CCL7: variants seen among roughly 807,000 people sequenced by gnomAD.
CCL7 encodes C-C motif chemokine ligand 7.
Under a neutral mutation model 7.1 loss-of-function variants are expected in CCL7, and 8 were observed. That is an observed-to-expected ratio of 1.13 (90% confidence interval 0.66 to 2.04). The LOEUF (loss-of-function observed/expected upper bound fraction) is 2.04. CCL7 is among the 30% of genes most tolerant of loss of function. CCL7 has a pLI of 0.00. For synonymous variants in CCL7, 46 were observed against 41.2 expected (o/e 1.12, Z -0.45); for missense variants, 134 against 113.6 (o/e 1.18, Z -0.82).
Position 34,271,855 on chromosome 17 carries a change from T to A in CCL7, c.*53T>A. On this transcript the variant is annotated 3_prime_UTR_variant, in exon 3 of 3. Transcript: ENST00000378569. ...CATGACTTGAGAAACAAATAATTTGTATACCCTGTCCTTTCTCAGAGTGGT... is the reference window on the plus strand; with the variant it reads ...CATGACTTGAGAAACAAATAATTTGAATACCCTGTCCTTTCTCAGAGTGGT... 1 of 1,092,012 alleles carries A rather than the reference T, an allele frequency of 9.2e-7. No homozygotes were observed. The highest frequency in any genetic ancestry group is 2.0e-4 in the Middle Eastern group (1 of 5,096). The allele number at this position is 1,092,012 out of a possible 1,614,324, so 67.6% of individuals were successfully genotyped here. A position where few individuals can be genotyped will look rare whatever the true frequency, so the allele number is the denominator to read the frequency against.
chr17:34,271,856 A>G lies in CCL7; in HGVS notation c.*54A>G. 1 of 1,082,642 alleles carries G rather than the reference A, an allele frequency of 9.2e-7. No homozygotes were observed. The highest frequency in any genetic ancestry group is 1.6e-5 in the African/African-American group (1 of 64,330). 67.1% of individuals were successfully genotyped at this position (1,082,642 alleles called of 1,614,324 possible). A position where few individuals can be genotyped will look rare whatever the true frequency, so the allele number is the denominator to read the frequency against. On this transcript the variant is annotated 3_prime_UTR_variant, in exon 3 of 3. Coordinates refer to ENST00000378569, the MANE Select transcript of CCL7 (RefSeq NM_006273.4). ...ATGACTTGAGAAACAAATAATTTGT[A>G]TACCCTGTCCTTTCTCAGAGTGGTT...
intron 2 of CCL7, 121 bp downstream of exon 2, chr17:34,271,384 A>T (rs1908154206): frequency 2.5e-6 from 2 of 793,748 alleles, no homozygotes; most frequent in South Asian, 3.7e-5. Context: ...AGCATCTCTA[A>T]CCTTATCCCA....
chr17:34,271,585 G>T, intron 2 of CCL7, 112 bp from the exon 3 acceptor site: 1 of 676,480 alleles, frequency 1.5e-6, no homozygotes, highest in East Asian at 2.6e-5. Flanking sequence ...CATCCCTGAG[G>T]CATCCCCATC....
Position 34,271,960 on chromosome 17 carries a change from T to C in CCL7, c.*158T>C. Reference sequence around the variant, plus strand: ...AATCATGGTTTTTCTTAGTAGATTTTAAAAGTTATTAATATTTTAATTTAA... The same window carrying C: ...AATCATGGTTTTTCTTAGTAGATTTCAAAAGTTATTAATATTTTAATTTAA... On this transcript the variant is annotated 3_prime_UTR_variant, in exon 3 of 3. Transcript: ENST00000378569. 3.5e-6 allele frequency: 2 copies of C among 568,070 alleles called. No individual in the cohort carries two copies. The highest frequency in any genetic ancestry group is 6.1e-6 in the Non-Finnish European group (2 of 325,500). 35.2% of individuals were successfully genotyped at this position (568,070 alleles called of 1,614,324 possible).
intron 1 of CCL7, among the ~76,000 whole-genome samples, 193 bp downstream of exon 1, chr17:34,270,559 G>T (rs929180344): frequency 3.9e-5 from 6 of 152,250 alleles, no homozygotes; most frequent in African/African-American, 1.4e-4. Context: ...TAGAATTCCA[G>T]CTGTGAACCC....
Position 34,271,783 on chromosome 17 carries a change from C to T in CCL7, c.281C>T (p.Thr94Ile), listed in dbSNP as rs201924712. The change falls in exon 3 of 3, where the codon ACC (threonine) becomes ATC (isoleucine). Residue 94 changes from threonine (T) to isoleucine (I), a missense_variant. Thr to Ile is a moderately conservative substitution (Grantham distance 89, BLOSUM62 -1). Coordinates refer to ENST00000378569, the MANE Select transcript of CCL7 (RefSeq NM_006273.4). ...TTTATGAAGCACCTGGACAAGAAAACCCAAACTCCAAAGCTTTGAACATTC... is the reference window on the plus strand; with the variant it reads ...TTTATGAAGCACCTGGACAAGAAAATCCAAACTCCAAAGCTTTGAACATTC... Reference protein sequence around the residue: ...QDFMKHLDKKTQTPKL With the variant: ...QDFMKHLDKKIQTPKL 18 of 1,611,272 alleles carry T rather than the reference C, an allele frequency of 1.1e-5. No individual in the cohort carries two copies. Among genetic ancestry groups the T allele is most frequent in the African/African-American group, 9.4e-5 (7 of 74,796 alleles).
chr17:34,271,947 T>TC lies in CCL7; in HGVS notation c.*146dup. 1.7e-6 allele frequency: 1 copy of TC among 592,724 alleles called. No homozygotes were observed. Among genetic ancestry groups the TC allele is most frequent in the Non-Finnish European group, 3.0e-6 (1 of 338,054 alleles). 36.7% of individuals were successfully genotyped at this position (592,724 alleles called of 1,614,324 possible). ...ATGTAATAATGTGAATCATGGTTTT[T>TC]CTTAGTAGATTTTAAAAGTTATTAA... On this transcript the variant is annotated 3_prime_UTR_variant, in exon 3 of 3. Coordinates refer to ENST00000378569, the MANE Select transcript of CCL7 (RefSeq NM_006273.4).
chr17:34,270,771 A>C (rs958303697), intron 1 of CCL7, among the ~76,000 whole-genome samples: 26 of 152,190 alleles, frequency 1.7e-4, no homozygotes, highest in African/African-American at 5.8e-4. Flanking sequence ...AGCTCTGCAG[A>C]GGTGGTACGT....
At chr17:34,271,642 T>A in intron 2 of CCL7, 55 bp from the exon 3 acceptor site, 1 of 1,184,192 alleles carries the variant, frequency 8.4e-7, no homozygotes. Context: ...TTGGTCACAC[T>A]CCCAGGCTGA....
rs1313174410 is a variant in CCL7, at chr17:34,271,848, T to C, written c.*46T>C. 8.7e-7 allele frequency: 1 copy of C among 1,149,770 alleles called. No homozygotes were observed. The highest frequency in any genetic ancestry group is 2.4e-5 in the East Asian group (1 of 42,486). The allele number at this position is 1,149,770 out of a possible 1,614,324, so 71.2% of individuals were successfully genotyped here. A position where few individuals can be genotyped will look rare whatever the true frequency, so the allele number is the denominator to read the frequency against. ...AACAAGCCATGACTTGAGAAACAAA[T>C]AATTTGTATACCCTGTCCTTTCTCA... On this transcript the variant is annotated 3_prime_UTR_variant, in exon 3 of 3. Transcript: ENST00000378569.
chr17:34,270,406 C>T, intron 1 of CCL7, 40 bp downstream of exon 1: 1 of 1,535,442 alleles, frequency 6.5e-7, no homozygotes. Context: ...CACATTGCCC[C>T]CTCTCTGGGT....
rs70937036 is a variant in CCL7, at chr17:34,271,319, G to A, written c.194+56G>A. 9,615 of 1,392,512 alleles carry A rather than the reference G, an allele frequency of 6.9e-3. 59 individuals are homozygous for A. Among genetic ancestry groups the A allele is most frequent in the East Asian group, 0.024 (1,034 of 43,730 alleles). The allele number at this position is 1,392,512 out of a possible 1,614,324, so 86.3% of individuals were successfully genotyped here. Reference sequence around the variant, plus strand: ...ACCTCAGTCCTAGGTTCTTCCCTGGGCAGGGAATAGGACTAGTATCAGAAT... The same window carrying A: ...ACCTCAGTCCTAGGTTCTTCCCTGGACAGGGAATAGGACTAGTATCAGAAT... On this transcript the variant is annotated intron_variant, in intron 2 of 2. Coordinates refer to ENST00000378569, the MANE Select transcript of CCL7 (RefSeq NM_006273.4).
At chr17:34,270,505 G>A in intron 1 of CCL7, 139 bp downstream of exon 1, 3 of 687,124 alleles carry the variant, frequency 4.4e-6, no homozygotes, top group African/African-American at 3.6e-5. Context: ...AAAAGGATAA[G>A]GGGTGAGCCC....
intron 1 of CCL7, among the ~76,000 whole-genome samples, chr17:34,270,685 G>A (rs1332856951): frequency 1.3e-5 from 2 of 152,176 alleles, no homozygotes; most frequent in Non-Finnish European, 2.9e-5. Flanking sequence ...GGCTTCTGGG[G>A]ATGGGTGTGC....
rs201946074 is a variant in CCL7 at position 34,271,112 on chromosome 17, T to C, written c.77-34T>C. ...AAACAGAAAGACCCAGGACACACCC[T>C]CAATGGACTTTTCTTCTTGTTGTTT... On this transcript the variant is annotated intron_variant, in intron 1 of 2. Coordinates refer to ENST00000378569, the MANE Select transcript of CCL7 (RefSeq NM_006273.4). 7.4e-4 allele frequency: 1,202 copies of C among 1,613,910 alleles called. 1 individual carries two copies. The highest frequency in any genetic ancestry group is 8.8e-4 in the Non-Finnish European group (1,042 of 1,179,952).
rs574598574 is a variant in CCL7 at position 34,271,961 on chromosome 17, A to T, written c.*159A>T. ...ATCATGGTTTTTCTTAGTAGATTTT[A>T]AAAGTTATTAATATTTTAATTTAAT... On this transcript the variant is annotated 3_prime_UTR_variant, in exon 3 of 3. Transcript: ENST00000378569. The T allele has an allele frequency of 5.3e-6, 3 of 567,808 alleles. No individual in the cohort carries two copies. The Admixed American group carries it at 1.1e-4, about 21-fold the overall frequency. 35.2% of individuals were successfully genotyped at this position (567,808 alleles called of 1,614,324 possible). A position where few individuals can be genotyped will look rare whatever the true frequency, so the allele number is the denominator to read the frequency against.
In CCL7 at chr17:34,271,199, C is replaced by G; in HGVS notation, c.130C>G (p.Pro44Ala). ...CTACAGATTTATCAATAAGAAAATC[C>G]CTAAGCAGAGGCTGGAGAGCTACAG... ...CCYRFINKKI[P>A]KQRLESYRRT... Residue 44 changes from proline to alanine, a missense_variant, in exon 2 of 3, where the codon CCT (proline) becomes GCT (alanine). Transcript: ENST00000378569. 6.2e-7 allele frequency: 1 copy of G among 1,614,024 alleles called. No individual in the cohort carries two copies. The highest frequency in any genetic ancestry group is 8.5e-7 in the Non-Finnish European group (1 of 1,179,998).
In CCL7 at chr17:34,272,205, C is replaced by A. The variant is rs1224844061; in HGVS notation, c.*403C>A. Reference sequence around the variant, plus strand: ...TAATTACATATTTGCATATGTATGACTCCCAAATTTTCACATAAAATAGAT... The same window carrying A: ...TAATTACATATTTGCATATGTATGAATCCCAAATTTTCACATAAAATAGAT... On this transcript the variant is annotated 3_prime_UTR_variant, in exon 3 of 3. Coordinates refer to ENST00000378569, the MANE Select transcript of CCL7 (RefSeq NM_006273.4). 6.4e-6 allele frequency: 1 copy of A among 155,552 alleles called. No homozygotes were observed. Among genetic ancestry groups the A allele is most frequent in the East Asian group, 1.9e-4 (1 of 5,404 alleles). The allele number at this position is 155,552 out of a possible 1,614,324, so 9.6% of individuals were successfully genotyped here. A position where few individuals can be genotyped will look rare whatever the true frequency, so the allele number is the denominator to read the frequency against.
chr17:34,271,730 T>C lies in CCL7; in HGVS notation c.228T>C (p.Ala76=), dbSNP rs979955107. Residue 76 remains alanine, a synonymous_variant, in exon 3 of 3, where the codon GCT becomes GCC. Transcript: ENST00000378569. ...FKTKLDKEIC[A]DPTQKWVQDF... is the part of the protein sequence containing the mutation. ...CCAAACTGGACAAGGAGATCTGTGCTGACCCCACACAGAAGTGGGTCCAGG... is the reference window on the plus strand; with the variant it reads ...CCAAACTGGACAAGGAGATCTGTGCCGACCCCACACAGAAGTGGGTCCAGG... 1 of 1,612,810 alleles carries C rather than the reference T, an allele frequency of 6.2e-7. No homozygotes were observed. Among genetic ancestry groups the C allele is most frequent in the Non-Finnish European group, 8.5e-7 (1 of 1,179,648 alleles).
Sources: gnomAD v4.1 joint callset for allele counts (sites outside exome capture counted in the v4.1 genomes callset) on GRCh38, gnomAD v4.1.1 for gene constraint, MANE v1.5 for transcripts, NCBI Gene and HGNC (gene_info 2026-07-23, HGNC 2026-07-21) for gene names.